Variants in LSAMP observed in about 807,000 individuals in gnomAD.
LSAMP encodes limbic system associated membrane protein, also known as limbic system-associated membrane protein.
A neutral mutation model predicts 38.6 loss-of-function variants in LSAMP; 7 were observed. The ratio of observed to expected loss-of-function variants is 0.18; its 90% CI spans 0.10 to 0.34. LSAMP has a LOEUF of 0.34. Among genes scored for constraint, LSAMP ranks in the 10% least tolerant of loss-of-function variants. LSAMP has a pLI of 1.00. For synonymous variants in LSAMP, 154 were observed against 166.8 expected (o/e 0.92, Z 0.59); for missense variants, 313 against 420.0 (o/e 0.75, Z 2.23).
At chr3:116,179,788 T>G (rs1710441132) in intron 1 of LSAMP, among the ~76,000 whole-genome samples, 1 of 152,158 alleles carries the variant, frequency 6.6e-6, no homozygotes, top group African/African-American at 2.4e-5. Context: ...GACATGAAAT[T>G]TGGGCAAGGA....
At chr3:116,349,041 C>A (rs921261811) in intron 1 of LSAMP, among the ~76,000 whole-genome samples, 3 of 151,188 alleles carry the variant, frequency 2.0e-5, no homozygotes, top group African/African-American at 7.2e-5. Context: ...AAGTTACTTA[C>A]GCTTCCCTCA....
At chr3:115,971,309 G>A (rs540993089) in intron 3 of LSAMP, among the ~76,000 whole-genome samples, 1 of 152,262 alleles carries the variant, frequency 6.6e-6, no homozygotes, top group South Asian at 2.1e-4. Flanking sequence ...ATAAAACAGA[G>A]ATCCAAAACA....
Position 115,809,735 on chromosome 3 carries a change from C to T in LSAMP, c.*582G>A, listed in dbSNP as rs72947888. 0.12 allele frequency: 17,855 copies of T among 151,852 alleles called. 1,812 individuals are homozygous for T. Among genetic ancestry groups the T allele is most frequent in the African/African-American group, 0.28 (11,403 of 41,124 alleles). 9.4% of individuals were successfully genotyped at this position (151,852 alleles called of 1,614,324 possible). A position where few individuals can be genotyped will look rare whatever the true frequency, so the allele number is the denominator to read the frequency against. ...TAGGGTGGGTGTGGGGGAGATAGAA[C>T]GCACTGGAGGGAGAGGGGATGATCT... On this transcript the variant is annotated 3_prime_UTR_variant, in exon 7 of 7. Transcript: ENST00000490035.
chr3:116,414,046 A>G (rs1279575558), intron 1 of LSAMP, among the ~76,000 whole-genome samples: 1 of 152,108 alleles, frequency 6.6e-6, no homozygotes, highest in Non-Finnish European at 1.5e-5. Flanking sequence ...GCTGGATGAA[A>G]ATATCCAATT....
intron 1 of LSAMP, among the ~76,000 whole-genome samples, chr3:116,269,225 T>TATGTATAAGCCTTGTGATA: frequency 6.6e-6 from 1 of 152,262 alleles, no homozygotes. Context: ...TCAGCATTTT[T>TATGTATAAGCCTTGTGATA]ATGTATAAGC....
intron 3 of LSAMP, among the ~76,000 whole-genome samples, chr3:115,939,578 T>TTCTTTCTTTCTTTCTTTCTC (rs1364806295): frequency 6.7e-6 from 1 of 148,222 alleles, no homozygotes; most frequent in Non-Finnish European, 1.5e-5. Context: ...CTTTCTTTCT[T>TTCTTTCTTTCTTTCTTTCTC]TCTTTCTGTT....
At chr3:116,080,771 A>G (rs1707854670) in intron 2 of LSAMP, among the ~76,000 whole-genome samples, 1 of 152,232 alleles carries the variant, frequency 6.6e-6, no homozygotes, top group African/African-American at 2.4e-5. Context: ...TTCAAATGAG[A>G]AAATTCCAGT....
At chr3:116,086,598 T>A in intron 1 of LSAMP, 42 bp from the exon 2 acceptor site, 3 of 1,482,418 alleles carry the variant, frequency 2.0e-6, no homozygotes, top group African/African-American at 1.4e-5. Flanking sequence ...TAACAACAAC[T>A]ATTTCTGCGT....
intron 2 of LSAMP, among the ~76,000 whole-genome samples, chr3:116,070,396 G>A (rs1462211986): frequency 6.6e-6 from 1 of 152,160 alleles, no homozygotes; most frequent in Non-Finnish European, 1.5e-5. Flanking sequence ...AGAATTATTA[G>A]AGTTGCTCGT....
chr3:116,207,447 A>G (rs13067458), intron 1 of LSAMP, among the ~76,000 whole-genome samples: 88,063 of 147,420 alleles, frequency 0.6, 26,960 homozygotes, highest in East Asian at 0.76. Context: ...TCCTGTCATT[A>G]TGATGTTAGC....
intron 2 of LSAMP, among the ~76,000 whole-genome samples, chr3:116,068,256 C>T (rs1336505296): frequency 6.6e-6 from 1 of 152,126 alleles, no homozygotes; most frequent in African/African-American, 2.4e-5. Context: ...CATTTCCCCC[C>T]TCTATAAACC....
At chr3:115,919,649 T>C (rs1341777833) in intron 3 of LSAMP, among the ~76,000 whole-genome samples, 2 of 152,180 alleles carry the variant, frequency 1.3e-5, no homozygotes, top group Non-Finnish European at 2.9e-5. Context: ...TCTTGCTCTG[T>C]CACTTAGGCT....
chr3:116,220,535 A>C (rs974640502), intron 1 of LSAMP, among the ~76,000 whole-genome samples: 2 of 152,170 alleles, frequency 1.3e-5, no homozygotes, highest in Non-Finnish European at 2.9e-5. Context: ...GACTATTGGG[A>C]CTTAGGGACA....
At chr3:116,348,072 G>A (rs1242085432) in intron 1 of LSAMP, among the ~76,000 whole-genome samples, 1 of 151,636 alleles carries the variant, frequency 6.6e-6, no homozygotes, top group Non-Finnish European at 1.5e-5. Context: ...CATAATTATC[G>A]GTAGCAATCC....
chr3:116,123,520 T>C (rs1708935736), intron 1 of LSAMP, among the ~76,000 whole-genome samples: 1 of 152,180 alleles, frequency 6.6e-6, no homozygotes, highest in Non-Finnish European at 1.5e-5. Context: ...GAAAAACAAT[T>C]ACAAATTGAC....
intron 1 of LSAMP, among the ~76,000 whole-genome samples, chr3:116,192,795 T>C (rs1710784799): frequency 6.6e-6 from 1 of 152,184 alleles, no homozygotes; most frequent in Admixed American, 6.5e-5. Flanking sequence ...AATTAGGTTA[T>C]TGGAATAGAT....
At chr3:116,095,538 C>G (rs923263998) in intron 1 of LSAMP, among the ~76,000 whole-genome samples, 1 of 152,208 alleles carries the variant, frequency 6.6e-6, no homozygotes, top group African/African-American at 2.4e-5. Context: ...CAACAAACTC[C>G]CTTCCGGCAC....
At chr3:115,895,984 T>C (rs781400949) in intron 3 of LSAMP, among the ~76,000 whole-genome samples, 14 of 152,132 alleles carry the variant, frequency 9.2e-5, no homozygotes, top group African/African-American at 1.4e-4. Flanking sequence ...TTGTACAACA[T>C]TGATACCATT....
intron 6 of LSAMP, among the ~76,000 whole-genome samples, chr3:115,840,763 T>C (rs1934971385): frequency 6.6e-6 from 1 of 152,184 alleles, no homozygotes; most frequent in Non-Finnish European, 1.5e-5. Context: ...CTCATCTAAA[T>C]GGAATATAGC....
Sources: gnomAD v4.1 joint callset for allele counts (sites outside exome capture counted in the v4.1 genomes callset) on GRCh38, gnomAD v4.1.1 for gene constraint, MANE v1.5 for transcripts, NCBI Gene and HGNC (gene_info 2026-07-23, HGNC 2026-07-21) for gene names.